Variants in ZNF676 observed in about 807,000 individuals in gnomAD.
ZNF676 encodes the protein zinc finger protein 676.
ZNF676 carries 4 observed loss-of-function variants against 6.0 expected under a neutral mutation model. That is an observed-to-expected ratio of 0.67 (90% CI 0.33 to 1.53). The LOEUF is 1.53. Among genes scored for constraint, ZNF676 ranks in the 40% most tolerant of loss-of-function variants. The probability of loss-of-function intolerance (pLI) is 0.06; values close to 1 mark genes in which losing one functional copy is unlikely to be tolerated. For synonymous variants in ZNF676, 198 were observed against 223.1 expected (o/e 0.89, Z 1.00); for missense variants, 644 against 679.7 (o/e 0.95, Z 0.58).
intron 1 of ZNF676, among the ~76,000 whole-genome samples, chr19:22,193,945 T>G (rs558992122): frequency 6.6e-6 from 1 of 152,134 alleles, no homozygotes; most frequent in African/African-American, 2.4e-5. Context: ...ATAAAACATT[T>G]GGGTTGCACT....
At chr19:22,216,339 G>A (rs537513133), upstream of ZNF676, among the ~76,000 whole-genome samples, 22 of 152,162 alleles carry the variant, frequency 1.4e-4, no homozygotes, top group African/African-American at 5.3e-4. Flanking sequence ...GGAGGCTGAG[G>A]CAGGAGAATC....
Position 22,196,547 on chromosome 19 carries a change from C to T in ZNF676, c.34+53G>A, listed in dbSNP as rs181572035. On this transcript the variant is annotated intron_variant, in intron 1 of 2. Transcript: ENST00000397121. ...TTGTTCAGTCCAATAAGGTCTGCAG[C>T]AAAATGAAACCTGTAGTATATACTA... is the stretch of plus-strand genomic sequence containing the variant. 43 of 1,612,874 alleles carry T rather than the reference C, an allele frequency of 2.7e-5. No individual in the cohort carries two copies. The East Asian group carries it at 8.7e-4, about 33-fold the overall frequency.
intron 1 of ZNF676, among the ~76,000 whole-genome samples, chr19:22,193,855 T>G (rs2144763479): frequency 6.6e-6 from 1 of 152,218 alleles, no homozygotes; most frequent in South Asian, 2.1e-4. Flanking sequence ...GCTAGTGTGG[T>G]TAATAATGGA....
upstream of ZNF676, among the ~76,000 whole-genome samples, chr19:22,220,249 T>TGCTC (rs2024233730): frequency 6.6e-6 from 1 of 152,200 alleles, no homozygotes; most frequent in Admixed American, 6.5e-5. Context: ...TTTGCATTTA[T>TGCTC]GCTCATCAGG....
the ZNF676 span, among the ~76,000 whole-genome samples, chr19:22,225,679 T>C: frequency 2.0e-5 from 3 of 152,210 alleles, no homozygotes; most frequent in African/African-American, 7.2e-5. Context: ...CACTGTGATA[T>C]TTATGCATTC....
chr19:22,210,034 G>T (rs1408803848), intron 1 of ZNF676, among the ~76,000 whole-genome samples: 1 of 152,126 alleles, frequency 6.6e-6, no homozygotes, highest in African/African-American at 2.4e-5. Context: ...AAGGGGGTTT[G>T]TCATCAGATC....
At chr19:22,200,167 ATAATTT>A (rs1376947794), upstream of ZNF676, among the ~76,000 whole-genome samples, 2 of 152,102 alleles carry the variant, frequency 1.3e-5, no homozygotes, top group African/African-American at 2.4e-5. Context: ...CTGAGTTTGT[ATAATTT>A]TAATCTTTTT....
intron 2 of ZNF676, among the ~76,000 whole-genome samples, chr19:22,182,770 C>T (rs2023778749): frequency 6.6e-6 from 1 of 151,270 alleles, no homozygotes; most frequent in East Asian, 1.9e-4. Flanking sequence ...GTTCTTACCA[C>T]TGAAAATAAC....
chr19:22,229,988 C>T, the ZNF676 span, among the ~76,000 whole-genome samples: 1 of 152,046 alleles, frequency 6.6e-6, no homozygotes, highest in African/African-American at 2.4e-5. Flanking sequence ...CCCAGCAATC[C>T]CATTACTGGG....
the ZNF676 span, among the ~76,000 whole-genome samples, chr19:22,237,723 T>C: frequency 1.3e-5 from 2 of 152,168 alleles, no homozygotes; most frequent in Non-Finnish European, 2.9e-5. Flanking sequence ...TTGCCACTAC[T>C]GGGGATGGGG....
chr19:22,179,963 C>G lies in ZNF676; in HGVS notation c.1754G>C (p.Gly585Ala), dbSNP rs764227457. 5.6e-6 allele frequency: 9 copies of G among 1,613,272 alleles called. No individual in the cohort carries two copies. The highest frequency in any genetic ancestry group is 7.6e-6 in the Non-Finnish European group (9 of 1,179,646). ...TTCTTCACATTTTTAGGGATTCTCT[C>G]CAGTATGAATTTTCTTATGATAACT... ...TVSYHKKIHT[G>A]ENP The change falls in exon 3 of 3, where the codon GGA becomes GCA. Residue 585 changes from glycine to alanine, a missense_variant. Coordinates refer to ENST00000397121, the MANE Select transcript of ZNF676 (RefSeq NM_001001411.3).
the ZNF676 span, among the ~76,000 whole-genome samples, chr19:22,235,037 GA>G: frequency 1.1e-3 from 165 of 146,158 alleles, no homozygotes; most frequent in African/African-American, 3.4e-3. Context: ...AGAAAGAAAA[GA>G]AAAGAAGGAA....
intron 2 of ZNF676, 34 bp downstream of exon 2, chr19:22,192,982 C>G (rs1394162109): frequency 1.3e-6 from 2 of 1,576,456 alleles, no homozygotes; most frequent in East Asian, 4.7e-5. Flanking sequence ...CTTTGGACTT[C>G]TCATTCATGT....
chr19:22,225,477 AT>A, the ZNF676 span, among the ~76,000 whole-genome samples: 2 of 151,050 alleles, frequency 1.3e-5, no homozygotes, highest in Non-Finnish European at 3.0e-5. Flanking sequence ...TATAAATAAG[AT>A]TGTTGTAATT....
At chr19:22,238,578 C>G in the ZNF676 span, among the ~76,000 whole-genome samples, 1 of 152,176 alleles carries the variant, frequency 6.6e-6, no homozygotes, top group South Asian at 2.1e-4. Flanking sequence ...CCTTAATATT[C>G]TGTTCCTCTA....
At chr19:22,225,777 T>C in the ZNF676 span, among the ~76,000 whole-genome samples, 1 of 152,192 alleles carries the variant, frequency 6.6e-6, no homozygotes, top group Non-Finnish European at 1.5e-5. Context: ...AGTTTTCCAT[T>C]TCTAAATCCT....
chr19:22,219,443 A>G (rs1213020354), upstream of ZNF676, among the ~76,000 whole-genome samples: 1 of 152,036 alleles, frequency 6.6e-6, no homozygotes, highest in East Asian at 1.9e-4. Flanking sequence ...CAGGTACACA[A>G]TTATATCATT....
At chr19:22,254,479 A>C in the ZNF676 span, among the ~76,000 whole-genome samples, 1 of 152,182 alleles carries the variant, frequency 6.6e-6, no homozygotes, top group Non-Finnish European at 1.5e-5. Context: ...GCTATATGTA[A>C]CAATACCCAA....
intron 1 of ZNF676, among the ~76,000 whole-genome samples, chr19:22,204,518 C>G (rs537522203): frequency 3.9e-5 from 6 of 152,152 alleles, no homozygotes; most frequent in Non-Finnish European, 8.8e-5. Context: ...TGTACTGAAG[C>G]AACCCAAGTA....
Sources: gnomAD v4.1 joint callset for allele counts (sites outside exome capture counted in the v4.1 genomes callset) on GRCh38, gnomAD v4.1.1 for gene constraint, MANE v1.5 for transcripts, NCBI Gene and HGNC (gene_info 2026-07-23, HGNC 2026-07-21) for gene names.